ZNF536: variants seen among roughly 807,000 people sequenced by gnomAD.
The protein encoded by ZNF536 is zinc finger protein 536.
ZNF536 carries 13 observed loss-of-function variants against 84.5 expected under a neutral mutation model. That is an observed-to-expected ratio of 0.15 (90% CI 0.10 to 0.24). The LOEUF is 0.24. Ranked by LOEUF, ZNF536 falls within the 10% of genes least tolerant of loss-of-function variation. The pLI is 1.00. For missense variants in ZNF536, 1,536 were observed against 1,747.5 expected, an observed-to-expected ratio of 0.88 and a Z score of 2.16; for synonymous variants, 811 against 742.5, an observed-to-expected ratio of 1.09 and a Z score of -1.50.
intron 1 of ZNF536, among the ~76,000 whole-genome samples, chr19:30,685,770 C>T (rs887914574): frequency 1.3e-5 from 2 of 152,174 alleles, no homozygotes; most frequent in African/African-American, 4.8e-5. Context: ...CCGCCGTCCT[C>T]CCCTCCATCA....
Position 30,549,450 on chromosome 19 carries a change from A to C in ZNF536, c.3831A>C (p.Ala1277=). Residue 1277 remains alanine, a synonymous_variant, in exon 4 of 5, where the codon GCA becomes GCC. Coordinates refer to ENST00000355537, the MANE Select transcript of ZNF536 (RefSeq NM_014717.3). The part of the protein sequence containing the change: ...VLRAYSSDGL[A]AFNGLASSTA... ...GGGCCTACAGTTCTGATGGCTTAGCAGCCTTTAACGGACTTGCAAGTAGCA... is the reference window on the plus strand; with the variant it reads ...GGGCCTACAGTTCTGATGGCTTAGCCGCCTTTAACGGACTTGCAAGTAGCA... The C allele has an allele frequency of 6.5e-7, 1 of 1,532,248 alleles. No homozygotes were observed. The highest frequency in any genetic ancestry group is 8.8e-7 in the Non-Finnish European group (1 of 1,140,842). 94.9% of individuals were successfully genotyped at this position (1,532,248 alleles called of 1,614,324 possible). A position where few individuals can be genotyped will look rare whatever the true frequency, so the allele number is the denominator to read the frequency against.
At chr19:30,406,830 T>A (rs1158317724) in intron 1 of ZNF536, among the ~76,000 whole-genome samples, 26 of 152,172 alleles carry the variant, frequency 1.7e-4, no homozygotes, top group Admixed American at 1.7e-3. Context: ...GGTGTTGCTA[T>A]CATGTCAGTT....
chr19:30,601,635 G>A (rs2047689660), intron 1 of ZNF536, among the ~76,000 whole-genome samples: 1 of 152,148 alleles, frequency 6.6e-6, no homozygotes, highest in Admixed American at 6.5e-5. Flanking sequence ...AACACTTCCT[G>A]GGGCCCATCT....
intron 1 of ZNF536, among the ~76,000 whole-genome samples, chr19:30,644,164 G>A (rs542092471): frequency 3.7e-4 from 56 of 152,304 alleles, no homozygotes; most frequent in African/African-American, 1.3e-3. Context: ...TGTTGGAAGA[G>A]GGATCTGCAG....
chr19:30,256,746 T>C (rs2024936222), intron 1 of ZNF536, among the ~76,000 whole-genome samples: 1 of 152,198 alleles, frequency 6.6e-6, no homozygotes, highest in South Asian at 2.1e-4. Flanking sequence ...CTCTGTCTGC[T>C]TGGGTTCTTA....
intron 2 of ZNF536, among the ~76,000 whole-genome samples, chr19:30,522,931 C>T (rs568147834): frequency 4.6e-5 from 7 of 152,294 alleles, no homozygotes; most frequent in African/African-American, 9.6e-5. Context: ...CAGATTCTAA[C>T]GACCTGCCGC....
At chr19:30,325,547 G>T (rs1478423159) in intron 2 of ZNF536, among the ~76,000 whole-genome samples, 1 of 152,224 alleles carries the variant, frequency 6.6e-6, no homozygotes, top group African/African-American at 2.4e-5. Context: ...GCTGTGAAAG[G>T]CTGAGGGCAG....
chr19:30,623,020 G>GTTTTTTTTTTTTTTTTTTTT (rs66483120), intron 1 of ZNF536, among the ~76,000 whole-genome samples: 1 of 129,542 alleles, frequency 7.7e-6, no homozygotes. Flanking sequence ...AAAATCTTGT[G>GTTTTTTTTTTTTTTTTTTTT]TTTTTTTTTT....
At chr19:30,677,389 C>T (rs2050790234) in intron 1 of ZNF536, among the ~76,000 whole-genome samples, 1 of 152,230 alleles carries the variant, frequency 6.6e-6, no homozygotes, top group African/African-American at 2.4e-5. Flanking sequence ...AAGGTGCCCT[C>T]CTGGCTATTG....
intron 1 of ZNF536, among the ~76,000 whole-genome samples, chr19:30,411,203 C>T (rs1324421003): frequency 6.6e-6 from 1 of 152,120 alleles, no homozygotes. Flanking sequence ...TTAAAATTTT[C>T]GTGGATATTG....
At chr19:30,463,942 C>T (rs1157265177) in intron 2 of ZNF536, among the ~76,000 whole-genome samples, 7 of 152,172 alleles carry the variant, frequency 4.6e-5, no homozygotes. Flanking sequence ...GGCTCCATGT[C>T]CAACTTCTCC....
At chr19:30,638,361 T>C (rs1267602130) in intron 1 of ZNF536, among the ~76,000 whole-genome samples, 2 of 152,184 alleles carry the variant, frequency 1.3e-5, no homozygotes, top group Non-Finnish European at 2.9e-5. Flanking sequence ...CACAGTCCTG[T>C]AGGCTGTACA....
intron 1 of ZNF536, among the ~76,000 whole-genome samples, chr19:30,694,288 A>G (rs2051558518): frequency 6.6e-6 from 1 of 152,260 alleles, no homozygotes; most frequent in African/African-American, 2.4e-5. Context: ...AAGCGACACA[A>G]TGGAAAACAG....
At chr19:30,466,909 C>T (rs556229802) in intron 2 of ZNF536, among the ~76,000 whole-genome samples, 15 of 152,218 alleles carry the variant, frequency 9.9e-5, no homozygotes, top group East Asian at 1.9e-4. Context: ...GGCACGATCT[C>T]GGCTCACTGC....
intron 2 of ZNF536, among the ~76,000 whole-genome samples, chr19:30,526,381 G>C (rs1599693199): frequency 6.6e-6 from 1 of 152,208 alleles, no homozygotes. Context: ...AGACCCCATG[G>C]GTGGCCTAAT....
At chr19:30,647,957 C>G (rs2049538846) in intron 1 of ZNF536, among the ~76,000 whole-genome samples, 1 of 152,200 alleles carries the variant, frequency 6.6e-6, no homozygotes, top group Non-Finnish European at 1.5e-5. Flanking sequence ...TTGGAAATCT[C>G]TCATATGAAG....
intron 1 of ZNF536, among the ~76,000 whole-genome samples, chr19:30,281,268 C>T (rs2045433864): frequency 6.6e-6 from 1 of 152,168 alleles, no homozygotes; most frequent in Non-Finnish European, 1.5e-5. Context: ...GTACTCCAGC[C>T]AGGGTCCACC....
In ZNF536 at chr19:30,514,352, C is replaced by A. The variant is rs1466323768; in HGVS notation, c.2171-20495C>A. ...AATCTCGTTGATGTGGCAGGGGTGGCATGCTGGGTTTCGCATGCTCTCTTT... is the reference window on the plus strand; with the variant it reads ...AATCTCGTTGATGTGGCAGGGGTGGAATGCTGGGTTTCGCATGCTCTCTTT... On this transcript the variant is annotated intron_variant, in intron 2 of 4. Transcript: ENST00000355537. Among the ~76,000 whole-genome samples the A allele has an allele frequency of 2.0e-5, 3 of 152,170 alleles. No homozygotes were observed. In the East Asian group the frequency reaches 5.8e-4, roughly 29 times the overall value.
intron 1 of ZNF536, among the ~76,000 whole-genome samples, chr19:30,279,831 G>A (rs919117185): frequency 3.3e-5 from 5 of 152,168 alleles, no homozygotes; most frequent in South Asian, 2.1e-4. Flanking sequence ...GTCCTTCCCC[G>A]GGCAGAGGGC....
Sources: allele counts gnomAD v4.1 joint callset (sites outside exome capture counted in the v4.1 genomes callset), GRCh38; gene constraint gnomAD v4.1.1; transcripts MANE v1.5; gene names NCBI Gene and HGNC (gene_info 2026-07-23, HGNC 2026-07-21).